The following AMPH variants were observed in gnomAD, a reference collection of about 807,000 sequenced individuals.
AMPH encodes the protein amphiphysin.
A neutral mutation model predicts 99.1 loss-of-function variants in AMPH; 49 were observed. The observed-to-expected ratio is 0.49, with a 90% CI of 0.39 to 0.63. The LOEUF (loss-of-function observed/expected upper bound fraction) is 0.63, where lower values mean the gene tolerates loss of function less well. Ranked by LOEUF, AMPH falls within the 20% of genes least tolerant of loss-of-function variation. AMPH has a pLI of 0.00. For synonymous variants in AMPH, 314 were observed against 317.3 expected, an observed-to-expected ratio of 0.99 and a Z score of 0.11; for missense variants, 759 against 863.4, an observed-to-expected ratio of 0.88 and a Z score of 1.52.
intron 13 of AMPH, among the ~76,000 whole-genome samples, chr7:38,431,469 A>T (rs1040283994): frequency 3.9e-5 from 6 of 152,154 alleles, no homozygotes; most frequent in Admixed American, 2.6e-4. Flanking sequence ...CATCCTGGCT[A>T]ACACGGTGAA....
chr7:38,427,840 C>T (rs1016797553), intron 14 of AMPH: 11 of 454,944 alleles, frequency 2.4e-5, no homozygotes, highest in Non-Finnish European at 4.4e-5. Context: ...GTAAGTACCT[C>T]GTCTTTGTCA....
At chr7:38,433,628 G>A (rs1786129311) in intron 12 of AMPH, among the ~76,000 whole-genome samples, 1 of 103,866 alleles carries the variant, frequency 9.6e-6, no homozygotes, top group Non-Finnish European at 1.9e-5. Flanking sequence ...GGGAGGCTGA[G>A]GCAGGAGAAT....
intron 11 of AMPH, among the ~76,000 whole-genome samples, chr7:38,447,681 A>G (rs1453429062): frequency 6.9e-6 from 1 of 145,928 alleles, no homozygotes; most frequent in Non-Finnish European, 1.6e-5. Flanking sequence ...AAACACCTCA[A>G]AAAAACCACT....
intron 17 of AMPH, among the ~76,000 whole-genome samples, chr7:38,407,072 ATATATGTGTG>A (rs1181130641): frequency 3.1e-5 from 1 of 32,152 alleles, no homozygotes; most frequent in African/African-American, 1.0e-4. Context: ...ATATATATAT[ATATATGTGTG>A]TGTGTGTGTG....
At position 38,433,522 on chromosome 7, in the gene AMPH, G is replaced by A. The variant is rs953965402; in HGVS notation, c.1135-1310C>T. On this transcript the variant is annotated intron_variant, in intron 12 of 20. Coordinates refer to ENST00000356264, the MANE Select transcript of AMPH (RefSeq NM_001635.4). ...GGGCGGATCACGAGGTCAGGAGATC[G>A]AGACCATCCCGGCTAAAACGGTGAA... 2.6e-5 allele frequency among the ~76,000 whole-genome samples: 4 copies of A among 151,382 alleles called. No homozygotes were observed. In the South Asian group the frequency reaches 6.3e-4, roughly 24 times the overall value.
intron 1 of AMPH, among the ~76,000 whole-genome samples, chr7:38,537,307 G>C (rs962608241): frequency 2.0e-5 from 3 of 152,140 alleles, no homozygotes; most frequent in African/African-American, 4.8e-5. Flanking sequence ...CTACTTCACA[G>C]TGTTGTATGG....
intron 3 of AMPH, among the ~76,000 whole-genome samples, chr7:38,495,514 G>C (rs1788898069): frequency 6.6e-6 from 1 of 151,902 alleles, no homozygotes; most frequent in African/African-American, 2.4e-5. Flanking sequence ...AACTTCACCT[G>C]TATATCTTTG....
chr7:38,469,402 T>A (rs1450121856), intron 7 of AMPH, among the ~76,000 whole-genome samples: 1 of 152,184 alleles, frequency 6.6e-6, no homozygotes, highest in Non-Finnish European at 1.5e-5. Context: ...GTTGAGCTTA[T>A]CACAGCTACA....
At chr7:38,459,907 C>T (rs947208707) in intron 11 of AMPH, among the ~76,000 whole-genome samples, 1 of 151,578 alleles carries the variant, frequency 6.6e-6, no homozygotes, top group Admixed American at 6.6e-5. Flanking sequence ...GAAAAGACAA[C>T]CTGTTGAATG....
intron 1 of AMPH, among the ~76,000 whole-genome samples, chr7:38,609,828 A>G (rs1793564518): frequency 6.6e-6 from 1 of 152,200 alleles, no homozygotes; most frequent in South Asian, 2.1e-4. Context: ...ATTTAGTTAC[A>G]GATCATACAG....
intron 9 of AMPH, among the ~76,000 whole-genome samples, chr7:38,464,600 CA>C (rs1270315218): frequency 6.6e-6 from 1 of 151,952 alleles, no homozygotes; most frequent in Non-Finnish European, 1.5e-5. Flanking sequence ...ATTAAAATGG[CA>C]AATATAGAAT....
chr7:38,460,462 G>A (rs1019349724), intron 11 of AMPH, among the ~76,000 whole-genome samples: 2 of 152,064 alleles, frequency 1.3e-5, no homozygotes, highest in African/African-American at 4.8e-5. Context: ...ATGGGCAAAT[G>A]GATATAGAAA....
intron 1 of AMPH, among the ~76,000 whole-genome samples, chr7:38,581,398 G>T (rs1474693057): frequency 2.0e-5 from 3 of 152,166 alleles, no homozygotes; most frequent in African/African-American, 7.2e-5. Flanking sequence ...CGATGACACT[G>T]TAAGTGCAAA....
rs528464448 is a variant in AMPH, at chr7:38,431,144, G to A, written c.1158+1045C>T. Among the ~76,000 whole-genome samples the A allele has an allele frequency of 2.6e-4, 39 of 152,264 alleles. 1 individual carries two copies. Among genetic ancestry groups the A allele is most frequent in the Non-Finnish European group, 5.9e-5 (4 of 68,010 alleles). On this transcript the variant is annotated intron_variant, in intron 13 of 20. Transcript: ENST00000356264. ...ACCAATGAGACCACCACAAAGCTCTGTTTGTGACACTTTCCCAAGTCTAAA... is the reference window on the plus strand; with the variant it reads ...ACCAATGAGACCACCACAAAGCTCTATTTGTGACACTTTCCCAAGTCTAAA...
chr7:38,610,191 G>A (rs561518898), intron 1 of AMPH, among the ~76,000 whole-genome samples: 36 of 134,760 alleles, frequency 2.7e-4, no homozygotes, highest in African/African-American at 9.8e-4. Flanking sequence ...AGCCAAAATC[G>A]CACCATTGCA....
chr7:38,629,451 T>C (rs1794378094), intron 1 of AMPH, among the ~76,000 whole-genome samples: 1 of 152,178 alleles, frequency 6.6e-6, no homozygotes, highest in Non-Finnish European at 1.5e-5. Context: ...CTGACCACCA[T>C]CCACAACTGC....
At chr7:38,394,404 G>A (rs76957581) in intron 17 of AMPH, among the ~76,000 whole-genome samples, 190 bp from the exon 18 acceptor site, 8,829 of 152,270 alleles carry the variant, frequency 0.058, 358 homozygotes, top group East Asian at 0.19. Flanking sequence ...CTTCTGCTGA[G>A]CTCCCAACAA....
At chr7:38,472,893 C>A (rs925413312) in intron 7 of AMPH, among the ~76,000 whole-genome samples, 1 of 152,140 alleles carries the variant, frequency 6.6e-6, no homozygotes, top group African/African-American at 2.4e-5. Flanking sequence ...AAGTCTTTCA[C>A]GCTACGAGAC....
chr7:38,587,949 T>TGTGCGC (rs931620644), intron 1 of AMPH, among the ~76,000 whole-genome samples: 71 of 146,194 alleles, frequency 4.9e-4, no homozygotes, highest in African/African-American at 1.7e-3. Context: ...TGTGTGTGTG[T>TGTGCGC]GCGCGTGTGT....
Sources: allele counts gnomAD v4.1 joint callset (sites outside exome capture counted in the v4.1 genomes callset), GRCh38; gene constraint gnomAD v4.1.1; transcripts MANE v1.5; gene names NCBI Gene and HGNC (gene_info 2026-07-23, HGNC 2026-07-21).